NCOA1: variants seen among roughly 807,000 people sequenced by gnomAD.
NCOA1 encodes nuclear receptor coactivator 1.
Under a neutral mutation model 150.9 loss-of-function variants are expected in NCOA1, and 35 were observed. The observed-to-expected ratio is 0.23, with a 90% confidence interval of 0.18 to 0.31. NCOA1 has a LOEUF of 0.31. Among genes scored for constraint, NCOA1 ranks in the 10% least tolerant of loss-of-function variants. The pLI is 1.00. For synonymous variants in NCOA1, 590 were observed against 630.0 expected (o/e 0.94, Z 0.95); for missense variants, 1,491 against 1,749.3 (o/e 0.85, Z 2.63).
intron 3 of NCOA1, among the ~76,000 whole-genome samples, chr2:24,599,699 C>G (rs1353765453): frequency 1.3e-5 from 2 of 148,542 alleles, no homozygotes; most frequent in Non-Finnish European, 3.0e-5. Context: ...TACAGCCCTT[C>G]TACTATTTTA....
At chr2:24,552,590 C>T (rs997382918) in intron 1 of NCOA1, among the ~76,000 whole-genome samples, 1 of 151,600 alleles carries the variant, frequency 6.6e-6, no homozygotes, top group African/African-American at 2.4e-5. Context: ...TGGCCTTGAT[C>T]TCCTGACCTC....
chr2:24,626,228 G>A (rs1454822722), intron 3 of NCOA1, among the ~76,000 whole-genome samples: 1 of 152,204 alleles, frequency 6.6e-6, no homozygotes, highest in African/African-American at 2.4e-5. Context: ...AAGGTAGCAA[G>A]TGTGAATTCT....
At chr2:24,662,740 C>G (rs1572558472) in intron 5 of NCOA1, among the ~76,000 whole-genome samples, 1 of 151,630 alleles carries the variant, frequency 6.6e-6, no homozygotes, top group East Asian at 1.9e-4. Flanking sequence ...AGTGACTTGC[C>G]TAGGGTTGCA....
At chr2:24,515,135 TAAA>T (rs1460420738) in intron 1 of NCOA1, among the ~76,000 whole-genome samples, 1 of 152,236 alleles carries the variant, frequency 6.6e-6, no homozygotes, top group Non-Finnish European at 1.5e-5. Context: ...AATTTTTTGT[TAAA>T]AACATGTTTT....
At chr2:24,640,769 C>T (rs1670176673) in intron 3 of NCOA1, among the ~76,000 whole-genome samples, 1 of 152,108 alleles carries the variant, frequency 6.6e-6, no homozygotes, top group Non-Finnish European at 1.5e-5. Flanking sequence ...ATATTGCTTT[C>T]TTATGTTTGC....
intron 2 of NCOA1, among the ~76,000 whole-genome samples, chr2:24,565,522 C>G (rs1481873256): frequency 6.6e-6 from 1 of 152,128 alleles, no homozygotes; most frequent in African/African-American, 2.4e-5. Flanking sequence ...AGCATAAATT[C>G]CAAAAATAAT....
At chr2:24,506,087 C>G (rs145141712) in intron 1 of NCOA1, among the ~76,000 whole-genome samples, 30 of 152,050 alleles carry the variant, frequency 2.0e-4, no homozygotes, top group African/African-American at 6.8e-4. Flanking sequence ...GTTAAATGAA[C>G]TCATCAGTTG....
At chr2:24,578,063 T>C (rs541863753) in intron 2 of NCOA1, among the ~76,000 whole-genome samples, 13 of 152,300 alleles carry the variant, frequency 8.5e-5, no homozygotes, top group African/African-American at 3.1e-4. Flanking sequence ...ACGTACTCTT[T>C]TGCTTGGCTA....
chr2:24,554,951 A>G (rs1431443716), intron 1 of NCOA1, among the ~76,000 whole-genome samples: 1 of 152,272 alleles, frequency 6.6e-6, no homozygotes, highest in East Asian at 1.9e-4. Flanking sequence ...CCCAATATGA[A>G]GCGTCTACGT....
chr2:24,705,724 A>G (rs192289115), intron 12 of NCOA1, among the ~76,000 whole-genome samples: 2 of 152,276 alleles, frequency 1.3e-5, no homozygotes, highest in East Asian at 3.9e-4. Flanking sequence ...ACACTGATAT[A>G]TGGTAAATTC....
chr2:24,512,595 C>T (rs1663980422), intron 1 of NCOA1, among the ~76,000 whole-genome samples: 1 of 152,130 alleles, frequency 6.6e-6, no homozygotes, highest in South Asian at 2.1e-4. Context: ...AATTAAACTT[C>T]ACTTATGTGC....
chr2:24,663,467 T>C (rs1671276317), intron 5 of NCOA1, among the ~76,000 whole-genome samples: 1 of 152,180 alleles, frequency 6.6e-6, no homozygotes, highest in African/African-American at 2.4e-5. Flanking sequence ...CATGGTTATC[T>C]GGCATATAAT....
At chr2:24,561,413 C>T (rs1048920220) in intron 1 of NCOA1, among the ~76,000 whole-genome samples, 3 of 151,912 alleles carry the variant, frequency 2.0e-5, no homozygotes, top group East Asian at 1.9e-4. Context: ...TTCTTCAGAG[C>T]GATAAAAAAT....
At chr2:24,650,203 C>A (rs1270857200) in intron 4 of NCOA1, among the ~76,000 whole-genome samples, 2 of 152,038 alleles carry the variant, frequency 1.3e-5, no homozygotes, top group Non-Finnish European at 2.9e-5. Context: ...AATTTGGGCC[C>A]TGGCATTGTG....
Position 24,658,770 on chromosome 2 carries a change from G to A in NCOA1, c.89+4G>A, listed in dbSNP as rs1671055322. On this transcript the variant is annotated splice_donor_region_variant and intron_variant, in intron 5 of 22. Transcript: ENST00000348332. ...CATGTGACACACTGGCATCAAGGTA[G>A]GAACACTCCTCTTAGTCTATTTTTG... is the stretch of plus-strand genomic sequence containing the variant. The A allele has an allele frequency of 6.2e-6, 10 of 1,613,516 alleles. No homozygotes were observed. The Middle Eastern group carries it at 6.6e-4, about 106-fold the overall frequency.
In NCOA1 at chr2:24,705,174, T is replaced by C. The variant is rs1673357101; in HGVS notation, c.1038T>C (p.Leu346=). 6.2e-7 allele frequency: 1 copy of C among 1,614,066 alleles called. No individual in the cohort carries two copies. The highest frequency in any genetic ancestry group is 1.3e-5 in the African/African-American group (1 of 75,048). ...TTAGCGCCCACACCAAGTGTAAACT[T>C]TGCTACCCTCAAAGTCCAGACATGC... ...TMLSAHTKCK[L]CYPQSPDMQP... is the part of the protein sequence containing the mutation. The change falls in exon 12 of 23, where the codon CTT becomes CTC. Residue 346 remains leucine, a synonymous_variant. Transcript: ENST00000348332.
intron 4 of NCOA1, among the ~76,000 whole-genome samples, chr2:24,649,482 T>G (rs960341459): frequency 2.0e-5 from 3 of 152,224 alleles, no homozygotes; most frequent in African/African-American, 7.2e-5. Context: ...TGCATAACTC[T>G]ATGTCACTCT....
intron 3 of NCOA1, among the ~76,000 whole-genome samples, chr2:24,640,914 G>A (rs1380455684): frequency 6.6e-6 from 1 of 151,942 alleles, no homozygotes. Flanking sequence ...TAATTGTAAT[G>A]TTTAGTTATT....
chr2:24,701,079 T>C (rs531315427), intron 11 of NCOA1, among the ~76,000 whole-genome samples: 27 of 152,330 alleles, frequency 1.8e-4, no homozygotes, highest in African/African-American at 6.3e-4. Flanking sequence ...AGCAGTTAGA[T>C]AGTAGTCATG....
Sources: gnomAD v4.1 joint callset for allele counts (sites outside exome capture counted in the v4.1 genomes callset) on GRCh38, gnomAD v4.1.1 for gene constraint, MANE v1.5 for transcripts, NCBI Gene and HGNC (gene_info 2026-07-23, HGNC 2026-07-21) for gene names.